RAD51B: variants seen among roughly 807,000 people sequenced by gnomAD.
The protein encoded by RAD51B is DNA repair protein RAD51 homolog 2.
In RAD51B, 38 loss-of-function variants were observed where a neutral mutation model predicts 42.2. The observed-to-expected ratio is 0.90, with a 90% CI of 0.70 to 1.18. The LOEUF (loss-of-function observed/expected upper bound fraction) is 1.18. Among genes scored for constraint, RAD51B ranks in the 50% most tolerant of loss-of-function variants. The pLI is 0.00. For synonymous variants in RAD51B, 154 were observed against 145.2 expected, an observed-to-expected ratio of 1.06 and a Z score of -0.43; for missense variants, 373 against 400.7, an observed-to-expected ratio of 0.93 and a Z score of 0.59.
intron 4 of RAD51B, among the ~76,000 whole-genome samples, chr14:67,850,447 C>T (rs2041767605): frequency 6.6e-6 from 1 of 151,934 alleles, no homozygotes; most frequent in African/African-American, 2.4e-5. Context: ...TCTTTGTTTC[C>T]ATGGCCTTCT....
chr14:68,333,252 G>A (rs114175479), intron 8 of RAD51B, among the ~76,000 whole-genome samples: 229 of 151,500 alleles, frequency 1.5e-3, no homozygotes, highest in African/African-American at 5.3e-3. Context: ...AAGAAAAATA[G>A]AAAAATAGAC....
At chr14:68,497,287 A>G (rs375212111) in intron 10 of RAD51B, 1 of 1,286,628 alleles carries the variant, frequency 7.8e-7, no homozygotes, top group African/African-American at 1.5e-5. Context: ...GACTCAGCTT[A>G]AGTCATGGAA....
intron 9 of RAD51B, among the ~76,000 whole-genome samples, chr14:68,458,096 C>CA (rs1402265826): frequency 6.6e-6 from 1 of 151,818 alleles, no homozygotes; most frequent in Non-Finnish European, 1.5e-5. Flanking sequence ...ACAACCAGAA[C>CA]AAAAAATAAG....
At chr14:67,951,735 A>G (rs1366580912) in intron 7 of RAD51B, among the ~76,000 whole-genome samples, 1 of 152,180 alleles carries the variant, frequency 6.6e-6, no homozygotes, top group Admixed American at 6.5e-5. Flanking sequence ...ACTTCATACT[A>G]TTCTGTTATT....
chr14:67,929,455 T>C (rs1249303013), intron 7 of RAD51B, among the ~76,000 whole-genome samples: 1 of 152,186 alleles, frequency 6.6e-6, no homozygotes, highest in East Asian at 1.9e-4. Context: ...CTAAGATACT[T>C]GATATGATTT....
intron 7 of RAD51B, among the ~76,000 whole-genome samples, chr14:68,264,513 G>A (rs1254016202): frequency 1.3e-5 from 2 of 152,224 alleles, no homozygotes; most frequent in Non-Finnish European, 2.9e-5. Flanking sequence ...ATGCTTTGGA[G>A]TTATCTGGGA....
chr14:67,905,098 G>A (rs73280489), intron 7 of RAD51B, among the ~76,000 whole-genome samples: 1 of 151,906 alleles, frequency 6.6e-6, no homozygotes, highest in African/African-American at 2.4e-5. Flanking sequence ...TATGGTAAAA[G>A]GAAGGAATCT....
At chr14:68,286,828 G>C (rs1566785844) in intron 7 of RAD51B, among the ~76,000 whole-genome samples, 2 of 152,296 alleles carry the variant, frequency 1.3e-5, no homozygotes, top group East Asian at 1.9e-4. Context: ...GAAGGCAGAG[G>C]GTCTGCATTG....
chr14:68,130,849 A>G (rs1431120299), intron 7 of RAD51B, among the ~76,000 whole-genome samples: 8 of 152,064 alleles, frequency 5.3e-5, no homozygotes, highest in African/African-American at 1.9e-4. Flanking sequence ...CTGGTTCTTA[A>G]TGCCTGATCT....
chr14:68,513,287 G>A (rs1885877985), intron 10 of RAD51B, among the ~76,000 whole-genome samples: 2 of 152,248 alleles, frequency 1.3e-5, no homozygotes, highest in Non-Finnish European at 2.9e-5. Context: ...GGTGCTTCCA[G>A]TGGGAACTGT....
At chr14:68,337,963 TG>T (rs1055730976) in intron 8 of RAD51B, among the ~76,000 whole-genome samples, 8 of 151,888 alleles carry the variant, frequency 5.3e-5, no homozygotes, top group East Asian at 1.9e-4. Flanking sequence ...TGTTTTGTTT[TG>T]TTTTGTTTTA....
intron 4 of RAD51B, among the ~76,000 whole-genome samples, chr14:67,855,395 TA>T (rs1044445093): frequency 2.4e-5 from 3 of 127,220 alleles, no homozygotes; most frequent in African/African-American, 9.1e-5. Context: ...CACGCTTGGC[TA>T]ATTTTTTTTT....
chr14:68,629,177 A>G (rs577003175), intron 10 of RAD51B, among the ~76,000 whole-genome samples: 1 of 152,262 alleles, frequency 6.6e-6, no homozygotes. Context: ...AGGTTGGGAC[A>G]TTGTTCAAAC....
At chr14:68,336,171 T>C (rs1026153421) in intron 8 of RAD51B, among the ~76,000 whole-genome samples, 2 of 152,240 alleles carry the variant, frequency 1.3e-5, no homozygotes, top group Non-Finnish European at 2.9e-5. Context: ...TCAACAAATG[T>C]TAGCTATTAT....
intron 7 of RAD51B, among the ~76,000 whole-genome samples, chr14:68,142,851 A>G (rs1472530049): frequency 6.6e-6 from 1 of 152,090 alleles, no homozygotes; most frequent in African/African-American, 2.4e-5. Flanking sequence ...CCAAACTTAT[A>G]TGCAAATTAT....
chr14:68,222,383 C>T (rs182843093), intron 7 of RAD51B, among the ~76,000 whole-genome samples: 36 of 152,212 alleles, frequency 2.4e-4, no homozygotes, highest in South Asian at 2.1e-4. Flanking sequence ...ACAGCAACCT[C>T]GATGAAATTG....
chr14:68,329,469 A>T (rs1298904479), intron 8 of RAD51B, among the ~76,000 whole-genome samples: 1 of 152,210 alleles, frequency 6.6e-6, no homozygotes, highest in Non-Finnish European at 1.5e-5. Context: ...AGAATTCCAG[A>T]AATCTACAGA....
chr14:68,249,943 CA>C (rs1173131574), intron 7 of RAD51B, among the ~76,000 whole-genome samples: 1 of 152,152 alleles, frequency 6.6e-6, no homozygotes, highest in South Asian at 2.1e-4. Context: ...GCTTTGAAGC[CA>C]GGGGAAGGTG....
chr14:68,180,509 A>C (rs369493879), intron 7 of RAD51B, among the ~76,000 whole-genome samples: 69 of 152,310 alleles, frequency 4.5e-4, no homozygotes, highest in African/African-American at 1.3e-3. Flanking sequence ...TGAGTGCTTT[A>C]CTACATTTCA....
Sources: gnomAD v4.1 joint callset for allele counts (sites outside exome capture counted in the v4.1 genomes callset) on GRCh38, gnomAD v4.1.1 for gene constraint, MANE v1.5 for transcripts, NCBI Gene and HGNC (gene_info 2026-07-23, HGNC 2026-07-21) for gene names.